NEURL1: variants seen among roughly 807,000 people sequenced by gnomAD.
The protein encoded by NEURL1 is neuralized E3 ubiquitin protein ligase 1, also known as E3 ubiquitin-protein ligase NEURL1.
Under a neutral mutation model 41.2 loss-of-function variants are expected in NEURL1, and 26 were observed. The observed-to-expected ratio is 0.63, with a 90% CI of 0.46 to 0.87. The LOEUF (loss-of-function observed/expected upper bound fraction) is 0.87. Ranked by LOEUF, NEURL1 falls within the 40% of genes least tolerant of loss-of-function variation. The pLI, the probability that NEURL1 is intolerant of heterozygous loss-of-function variation, is 0.00. For missense variants in NEURL1, 761 were observed against 871.1 expected, an observed-to-expected ratio of 0.87 and a Z score of 1.59; for synonymous variants, 400 against 402.3, an observed-to-expected ratio of 0.99 and a Z score of 0.07.
chr10:103,585,299 C>T, intron 4 of NEURL1, 74 bp downstream of exon 4: 2 of 1,272,250 alleles, frequency 1.6e-6, no homozygotes, highest in Admixed American at 3.0e-5. Flanking sequence ...AGACAAAGGG[C>T]GAGCTCCCCT....
intron 1 of NEURL1, among the ~76,000 whole-genome samples, chr10:103,565,812 G>GGCT (rs1323952897): frequency 6.6e-6 from 1 of 152,100 alleles, no homozygotes; most frequent in African/African-American, 2.4e-5. Context: ...CACCATGTCT[G>GGCT]GCTAAGTTTT....
At chr10:103,585,895 C>A (rs2035914456) in intron 4 of NEURL1, among the ~76,000 whole-genome samples, 1 of 150,454 alleles carries the variant, frequency 6.6e-6, no homozygotes, top group Non-Finnish European at 1.5e-5. Flanking sequence ...GTTACCATTT[C>A]TCCAAAATGG....
intron 1 of NEURL1, among the ~76,000 whole-genome samples, chr10:103,519,194 C>T (rs1221661673): frequency 2.0e-5 from 3 of 151,974 alleles, no homozygotes; most frequent in Non-Finnish European, 4.4e-5. Context: ...TTGCAGTGAG[C>T]CGAGATCGTG....
In NEURL1 at chr10:103,570,873, C is replaced by T. The variant is rs781348766; in HGVS notation, c.87C>T (p.Asp29=). 2 of 1,612,380 alleles carry T rather than the reference C, an allele frequency of 1.2e-6. No homozygotes were observed. The highest frequency in any genetic ancestry group is 2.7e-5 in the African/African-American group (2 of 74,838). The change falls in exon 2 of 6, where the codon GAC becomes GAT. Residue 29 remains aspartate (D), a splice_region_variant and synonymous_variant. Transcript: ENST00000369780. Reference sequence around the variant, plus strand: ...ACACCGTGGCCTGTTCCTTTGCAGACTCTATCGGGGGCCCCTTCCCCGTCA... The same window carrying T: ...ACACCGTGGCCTGTTCCTTTGCAGATTCTATCGGGGGCCCCTTCCCCGTCA... ...APRGHPQNLK[D]SIGGPFPVTS...
chr10:103,503,100 A>T (rs1172740378), intron 1 of NEURL1, among the ~76,000 whole-genome samples: 1 of 152,206 alleles, frequency 6.6e-6, no homozygotes, highest in Non-Finnish European at 1.5e-5. Context: ...CCTTTTGGCC[A>T]TTTCCAGCAA....
intron 1 of NEURL1, among the ~76,000 whole-genome samples, chr10:103,562,042 T>G (rs780585487): frequency 7.2e-5 from 11 of 152,210 alleles, no homozygotes; most frequent in Non-Finnish European, 1.6e-4. Flanking sequence ...TAACTTTTAT[T>G]GAGGACCTGC....
At chr10:103,522,097 G>T (rs975777145) in intron 1 of NEURL1, among the ~76,000 whole-genome samples, 3 of 152,076 alleles carry the variant, frequency 2.0e-5, no homozygotes, top group African/African-American at 7.2e-5. Flanking sequence ...TTAATCACTC[G>T]GTTAAGGTGG....
At chr10:103,571,247 C>G (rs1381857850) in intron 2 of NEURL1, 134 bp downstream of exon 2, 5 of 976,258 alleles carry the variant, frequency 5.1e-6, no homozygotes, top group African/African-American at 1.6e-5. Flanking sequence ...CCTGCCTTTC[C>G]TCTCTGGTGA....
At chr10:103,555,654 T>C (rs543087537) in intron 1 of NEURL1, among the ~76,000 whole-genome samples, 2 of 152,100 alleles carry the variant, frequency 1.3e-5, no homozygotes, top group African/African-American at 4.8e-5. Context: ...CCACTGATGG[T>C]GGGAGGTCAG....
chr10:103,538,947 T>A (rs908326061), intron 1 of NEURL1, among the ~76,000 whole-genome samples: 1 of 143,670 alleles, frequency 7.0e-6, no homozygotes, highest in Non-Finnish European at 1.5e-5. Context: ...GCACCCGTTT[T>A]TTTTTTTTTT....
At chr10:103,584,420 G>A (rs1026947547) in intron 3 of NEURL1, 116 bp from the exon 4 acceptor site, 27 of 549,290 alleles carry the variant, frequency 4.9e-5, no homozygotes, top group African/African-American at 1.2e-4. Flanking sequence ...CAAGCATCGT[G>A]TGCGCCATTA....
intron 1 of NEURL1, among the ~76,000 whole-genome samples, chr10:103,506,628 T>TGGCTCACTGCAGCCTC (rs1355012327): frequency 6.6e-6 from 1 of 151,932 alleles, no homozygotes; most frequent in African/African-American, 2.4e-5. Flanking sequence ...GGTGCAGTCT[T>TGGCTCACTGCAGCCTC]GGCTCACTGC....
intron 3 of NEURL1, among the ~76,000 whole-genome samples, chr10:103,578,073 T>C (rs2035703246): frequency 6.6e-6 from 1 of 151,960 alleles, no homozygotes; most frequent in South Asian, 2.1e-4. Context: ...TTGGGGACAA[T>C]GCCTTCATTT....
At chr10:103,557,763 G>C (rs1008221852) in intron 1 of NEURL1, among the ~76,000 whole-genome samples, 1 of 152,246 alleles carries the variant, frequency 6.6e-6, no homozygotes, top group African/African-American at 2.4e-5. Context: ...CTTCTTCTGG[G>C]AAATGAGCTG....
At chr10:103,506,949 A>G (rs2033961805) in intron 1 of NEURL1, among the ~76,000 whole-genome samples, 1 of 152,186 alleles carries the variant, frequency 6.6e-6, no homozygotes. Flanking sequence ...AAGGTCTGGC[A>G]GGTACCAAGC....
chr10:103,529,235 T>C (rs975862160), intron 1 of NEURL1, among the ~76,000 whole-genome samples: 1 of 152,252 alleles, frequency 6.6e-6, no homozygotes, highest in Admixed American at 6.5e-5. Flanking sequence ...ATTTGCCATA[T>C]AGGCACCTTT....
At chr10:103,554,658 AT>A (rs2035107577) in intron 1 of NEURL1, among the ~76,000 whole-genome samples, 1 of 152,200 alleles carries the variant, frequency 6.6e-6, no homozygotes, top group African/African-American at 2.4e-5. Flanking sequence ...TGATCTGTTG[AT>A]AATGACTGTA....
At position 103,566,538 on chromosome 10, in the gene NEURL1, T is replaced by C. The variant is rs1297757039; in HGVS notation, c.86-4334T>C. On this transcript the variant is annotated intron_variant, in intron 1 of 5. Transcript: ENST00000369780. This position sits in a 1 kb window ranked among gnomAD's most constrained non-coding sequence, Gnocchi z 4.2. ...TTTTTTTAGTGTATATCAGTGGTTATGTTCCTTTTTATTGCAGAGTAGTGA... is the reference window on the plus strand; with the variant it reads ...TTTTTTTAGTGTATATCAGTGGTTACGTTCCTTTTTATTGCAGAGTAGTGA... Among the ~76,000 whole-genome samples the C allele has an allele frequency of 6.6e-6, 1 of 152,232 alleles. No homozygotes were observed. The highest frequency in any genetic ancestry group is 2.4e-5 in the African/African-American group (1 of 41,460).
At chr10:103,518,670 G>T (rs1284837535) in intron 1 of NEURL1, among the ~76,000 whole-genome samples, 2 of 152,092 alleles carry the variant, frequency 1.3e-5, no homozygotes, top group Admixed American at 6.5e-5. Context: ...TGCAGGAGGT[G>T]AGGGAGTGAG....
Sources: gnomAD v4.1 joint callset for allele counts (sites outside exome capture counted in the v4.1 genomes callset) on GRCh38, gnomAD v4.1.1 for gene constraint, Gnocchi (gnomAD v3.1) non-coding constraint, MANE v1.5 for transcripts, NCBI Gene and HGNC (gene_info 2026-07-23, HGNC 2026-07-21) for gene names.